Variants in TNFRSF1A observed in about 807,000 individuals in gnomAD.
TNFRSF1A encodes the protein tumor necrosis factor receptor superfamily member 1A.
In TNFRSF1A, 9 loss-of-function variants were observed where a neutral mutation model predicts 41.6. That is an observed-to-expected ratio of 0.22 (90% CI 0.13 to 0.38). The LOEUF (loss-of-function observed/expected upper bound fraction) is 0.38. Ranked by LOEUF, TNFRSF1A falls within the 10% of genes least tolerant of loss-of-function variation. The pLI, the probability that TNFRSF1A is intolerant of heterozygous loss-of-function variation, is 1.00. For missense variants in TNFRSF1A, 463 were observed against 591.5 expected, an observed-to-expected ratio of 0.78 and a Z score of 2.25; for synonymous variants, 254 against 248.6, an observed-to-expected ratio of 1.02 and a Z score of -0.21.
rs1297552007 is a variant in TNFRSF1A at position 6,341,944 on chromosome 12, A to G, written c.-130T>C. On this transcript the variant is annotated 5_prime_UTR_variant, in exon 1 of 10. Transcript: ENST00000162749. This position sits in a 1 kb window ranked among gnomAD's most constrained non-coding sequence, Gnocchi z 4.6. ...GCCTTGGGGTGACAGTTGAGGGTTGAGACTCGGGCATAGAGATCACGGCCT... is the reference window on the plus strand; with the variant it reads ...GCCTTGGGGTGACAGTTGAGGGTTGGGACTCGGGCATAGAGATCACGGCCT... The G allele has an allele frequency of 1.5e-5, 14 of 922,410 alleles. No individual in the cohort carries two copies. The highest frequency in any genetic ancestry group is 2.4e-5 in the Non-Finnish European group (14 of 571,788). 57.1% of individuals were successfully genotyped at this position (922,410 alleles called of 1,614,324 possible).
intron 1 of TNFRSF1A, among the ~76,000 whole-genome samples, chr12:6,336,712 C>T (rs1269544243): frequency 2.0e-5 from 3 of 151,970 alleles, no homozygotes; most frequent in South Asian, 2.1e-4. Context: ...AGCCCCTCAG[C>T]GGCCTTTAGC....
Position 6,333,177 on chromosome 12 carries a change from G to A in TNFRSF1A, c.473-30C>T, listed in dbSNP as rs1244436891. 1.9e-6 allele frequency: 3 copies of A among 1,610,928 alleles called. No individual in the cohort carries two copies. Among genetic ancestry groups the A allele is most frequent in the Admixed American group, 1.7e-5 (1 of 59,916 alleles). On this transcript the variant is annotated intron_variant, in intron 4 of 9. Transcript: ENST00000162749. The surrounding 1 kb of genome is among the most constrained non-coding windows in gnomAD (Gnocchi z 6.3). The stretch of plus-strand genomic sequence containing the variant: ...AGGGAGAAGTGCGGCACAGCTAAAG[G>A]AGAAGCGCCTGCACCCCCACCCCAC...
intron 1 of TNFRSF1A, among the ~76,000 whole-genome samples, chr12:6,335,971 C>T (rs1948115338): frequency 6.6e-6 from 1 of 152,222 alleles, no homozygotes; most frequent in South Asian, 2.1e-4. Context: ...CAACACCGTG[C>T]CACCTCTGCT....
intron 1 of TNFRSF1A, among the ~76,000 whole-genome samples, chr12:6,339,368 G>A (rs1443248636): frequency 2.0e-5 from 3 of 152,228 alleles, no homozygotes; most frequent in Non-Finnish European, 4.4e-5. Flanking sequence ...CACAGTTAAT[G>A]TGACAGGTCC....
chr12:6,330,844 TCTC>T lies in TNFRSF1A; in HGVS notation c.625+6_625+8del. On this transcript the variant is annotated splice_donor_region_variant and intron_variant, in intron 6 of 9. Transcript: ENST00000162749. The stretch of plus-strand genomic sequence containing the variant: ...AGGTGAGCATGGGCACCAGGTCACT[TCTC>T]CTCACCTGAGTCCTCAGTGCCCTTA... 5 of 1,612,906 alleles carry T rather than the reference TCTC, an allele frequency of 3.1e-6. No individual in the cohort carries two copies. The highest frequency in any genetic ancestry group is 1.1e-5 in the South Asian group (1 of 91,040).
At position 6,329,932 on chromosome 12, in the gene TNFRSF1A, G is replaced by C. The variant is rs1338450773; in HGVS notation, c.903C>G (p.Pro301=). 6.4e-7 allele frequency: 1 copy of C among 1,570,974 alleles called. No homozygotes were observed. The highest frequency in any genetic ancestry group is 1.9e-5 in the Admixed American group (1 of 52,752). Residue 301 remains proline (P), a synonymous_variant, in exon 9 of 10, where the codon CCC becomes CCG. Coordinates refer to ENST00000162749, the MANE Select transcript of TNFRSF1A (RefSeq NM_001065.4). ...GAGCCGCAAAGTTGGGACAGTCACC[G>C]GGGGTATAGGTGGAGCTGGAGGTGA... ...STFTSSSTYT[P]GDCPNFAAPR...
chr12:6,329,943 T>C lies in TNFRSF1A; in HGVS notation c.892A>G (p.Thr298Ala), dbSNP rs1187071784. The C allele has an allele frequency of 1.3e-6, 2 of 1,571,886 alleles. No individual in the cohort carries two copies. Among genetic ancestry groups the C allele is most frequent in the Non-Finnish European group, 1.7e-6 (2 of 1,157,086 alleles). The change falls in exon 9 of 10, where the codon ACC becomes GCC. Residue 298 changes from threonine to alanine, a missense_variant. Physicochemically the swap from Thr to Ala is moderately conservative, Grantham distance 58. Transcript: ENST00000162749. ...VPSSTFTSSS[T>A]YTPGDCPNFA... The stretch of plus-strand genomic sequence containing the variant: ...TTGGGACAGTCACCGGGGGTATAGG[T>C]GGAGCTGGAGGTGAAGGTGGAACTG...
Position 6,329,857 on chromosome 12 carries a change from C to A in TNFRSF1A, c.978G>T (p.Ala326=). The change falls in exon 9 of 10, where the codon GCG becomes GCT. Residue 326 remains alanine (A), a synonymous_variant. Coordinates refer to ENST00000162749, the MANE Select transcript of TNFRSF1A (RefSeq NM_001065.4). ...GGATGGGGTCGGAGGCGAGGGCTGT[C>A]GCAAGGATGGGGTCAGCCCCCTGAT... ...PPYQGADPIL[A]TALASDPIPN... 1 of 1,600,012 alleles carries A rather than the reference C, an allele frequency of 6.2e-7. No homozygotes were observed. The highest frequency in any genetic ancestry group is 8.5e-7 in the Non-Finnish European group (1 of 1,173,676).
intron 1 of TNFRSF1A, among the ~76,000 whole-genome samples, chr12:6,336,349 C>G (rs962053317): frequency 6.6e-6 from 1 of 152,170 alleles, no homozygotes; most frequent in African/African-American, 2.4e-5. Flanking sequence ...GCCCCAGTGA[C>G]TCAGGCCAGA....
At position 6,330,740 on chromosome 12, in the gene TNFRSF1A, G is replaced by A. The variant is rs4149643; in HGVS notation, c.626-29C>T. Reference sequence around the variant, plus strand: ...CAGACAAAGCAGGTGTTGGTCAGAGGAGCGGGCAGAGGGGGGCCGCAGGGA... The same window carrying A: ...CAGACAAAGCAGGTGTTGGTCAGAGAAGCGGGCAGAGGGGGGCCGCAGGGA... On this transcript the variant is annotated intron_variant, in intron 6 of 9. Transcript: ENST00000162749. 4.0e-4 allele frequency: 637 copies of A among 1,596,448 alleles called. 2 individuals are homozygous for A. In the African/African-American group the frequency reaches 7.9e-3, roughly 20 times the overall value.
Position 6,333,344 on chromosome 12 carries a change from G to C in TNFRSF1A, c.472+23C>G. On this transcript the variant is annotated intron_variant, in intron 4 of 9. Transcript: ENST00000162749. The surrounding 1 kb of genome is among the most constrained non-coding windows in gnomAD (Gnocchi z 6.3). The stretch of plus-strand genomic sequence containing the variant: ...AACCCCTGGGGTGGGGAGAGGGCTT[G>C]GCCTCAGGAGAGCTGCGCTCACAGG... 6.2e-7 allele frequency: 1 copy of C among 1,611,446 alleles called. No individual in the cohort carries two copies. Among genetic ancestry groups the C allele is most frequent in the East Asian group, 2.2e-5 (1 of 44,792 alleles).
In TNFRSF1A at chr12:6,341,632, G is replaced by A; in HGVS notation, c.39+144C>T. On this transcript the variant is annotated intron_variant, in intron 1 of 9. Coordinates refer to ENST00000162749, the MANE Select transcript of TNFRSF1A (RefSeq NM_001065.4). The surrounding 1 kb of genome is among the most constrained non-coding windows in gnomAD (Gnocchi z 4.6). The stretch of plus-strand genomic sequence containing the variant: ...AATGGGGAACCCCACACTGGCAGTG[G>A]CTGAGGTTAGGACCTGCAGGCCTGA... The A allele has an allele frequency of 2.3e-6, 2 of 887,710 alleles. No individual in the cohort carries two copies. Among genetic ancestry groups the A allele is most frequent in the South Asian group, 1.4e-5 (1 of 70,616 alleles). 55.0% of individuals were successfully genotyped at this position (887,710 alleles called of 1,614,324 possible). A position where few individuals can be genotyped will look rare whatever the true frequency, so the allele number is the denominator to read the frequency against.
At chr12:6,338,693 G>C (rs1339041707) in intron 1 of TNFRSF1A, among the ~76,000 whole-genome samples, 1 of 151,736 alleles carries the variant, frequency 6.6e-6, no homozygotes, top group South Asian at 2.1e-4. Flanking sequence ...TAGTGGTGTG[G>C]TCAGGGCTCA....
At position 6,328,835 on chromosome 12, in the gene TNFRSF1A, C is replaced by G. The variant is rs534763976; in HGVS notation, c.*477G>C. Reference sequence around the variant, plus strand: ...GCTCCAGCTGAAGGCCCCATTGTTCCGTGCTCGCCCCTGCCTTAGGACAGT... The same window carrying G: ...GCTCCAGCTGAAGGCCCCATTGTTCGGTGCTCGCCCCTGCCTTAGGACAGT... On this transcript the variant is annotated 3_prime_UTR_variant, in exon 10 of 10. Transcript: ENST00000162749. 6.2e-6 allele frequency: 1 copy of G among 160,338 alleles called. No homozygotes were observed. Among genetic ancestry groups the G allele is most frequent in the Non-Finnish European group, 1.4e-5 (1 of 73,862 alleles). The allele number at this position is 160,338 out of a possible 1,614,324, so 9.9% of individuals were successfully genotyped here. A position where few individuals can be genotyped will look rare whatever the true frequency, so the allele number is the denominator to read the frequency against.
chr12:6,338,898 G>A (rs566626852), intron 1 of TNFRSF1A, among the ~76,000 whole-genome samples: 1 of 152,138 alleles, frequency 6.6e-6, no homozygotes, highest in Admixed American at 6.5e-5. Context: ...CTGAAGTGCT[G>A]GAATTACAGG....
At position 6,334,391 on chromosome 12, in the gene TNFRSF1A, T is replaced by C. The variant is rs1445486726; in HGVS notation, c.40-147A>G. On this transcript the variant is annotated intron_variant, in intron 1 of 9. Transcript: ENST00000162749. This position sits in a 1 kb window ranked among gnomAD's most constrained non-coding sequence, Gnocchi z 5.1. Reference sequence around the variant, plus strand: ...ACGCCACTCACTAAGTTTAGAGTTCTTCCTTGAAACTTAGACAGTTGGGGC... The same window carrying C: ...ACGCCACTCACTAAGTTTAGAGTTCCTCCTTGAAACTTAGACAGTTGGGGC... 2 of 674,906 alleles carry C rather than the reference T, an allele frequency of 3.0e-6. No individual in the cohort carries two copies. Among genetic ancestry groups the C allele is most frequent in the Non-Finnish European group, 5.0e-6 (2 of 398,738 alleles). 41.8% of individuals were successfully genotyped at this position (674,906 alleles called of 1,614,324 possible). A position where few individuals can be genotyped will look rare whatever the true frequency, so the allele number is the denominator to read the frequency against.
At chr12:6,339,618 TTCC>T in intron 1 of TNFRSF1A, among the ~76,000 whole-genome samples, 1 of 152,162 alleles carries the variant, frequency 6.6e-6, no homozygotes, top group East Asian at 1.9e-4. Context: ...CCTTCCCCAG[TTCC>T]TCCTCCTCCC....
Position 6,341,764 on chromosome 12 carries a change from C to G in TNFRSF1A, c.39+12G>C. The G allele has an allele frequency of 6.2e-7, 1 of 1,614,092 alleles. No individual in the cohort carries two copies. The highest frequency in any genetic ancestry group is 8.5e-7 in the Non-Finnish European group (1 of 1,179,982). ...CCCACCAGCCCACTCTTCCCTTTGT[C>G]CCTGGTCTCACCAGTGGCAGCAGCA... On this transcript the variant is annotated intron_variant, in intron 1 of 9. Transcript: ENST00000162749. The surrounding 1 kb of genome is among the most constrained non-coding windows in gnomAD (Gnocchi z 4.6).
chr12:6,330,811 G>A (rs1948040582), intron 6 of TNFRSF1A, 42 bp downstream of exon 6: 1 of 1,598,270 alleles, frequency 6.3e-7, no homozygotes, highest in Non-Finnish European at 8.6e-7. Flanking sequence ...CAAGAAGAGG[G>A]AGAGGGCAGG....
Sources: gnomAD v4.1 joint callset for allele counts (sites outside exome capture counted in the v4.1 genomes callset) on GRCh38, gnomAD v4.1.1 for gene constraint, Gnocchi (gnomAD v3.1) non-coding constraint, MANE v1.5 for transcripts, NCBI Gene and HGNC (gene_info 2026-07-23, HGNC 2026-07-21) for gene names.